SFMBT1: variants seen among roughly 807,000 people sequenced by gnomAD.
SFMBT1 encodes the protein scm-like with four MBT domains protein 1.
SFMBT1 carries 32 observed loss-of-function variants against 108.7 expected under a neutral mutation model. The ratio of observed to expected loss-of-function variants is 0.29; its 90% CI spans 0.22 to 0.40. The LOEUF is 0.40. Among genes scored for constraint, SFMBT1 ranks in the 10% least tolerant of loss-of-function variants. The pLI is 1.00. For missense variants in SFMBT1, 816 were observed against 1,059.6 expected (o/e 0.77, Z 3.19); for synonymous variants, 348 against 369.5 (o/e 0.94, Z 0.67).
intron 1 of SFMBT1, among the ~76,000 whole-genome samples, chr3:53,009,777 TA>T (rs1386972344): frequency 6.9e-4 from 105 of 152,342 alleles, no homozygotes; most frequent in African/African-American, 2.5e-3. Context: ...GTATATGTAT[TA>T]TACACTGTAT....
intron 1 of SFMBT1, among the ~76,000 whole-genome samples, chr3:52,990,508 A>G (rs1219611428): frequency 6.6e-6 from 1 of 152,218 alleles, no homozygotes. Flanking sequence ...TCTCAAAGCA[A>G]TCTTTAAAGA....
intron 1 of SFMBT1, among the ~76,000 whole-genome samples, chr3:52,972,686 T>C (rs1013726147): frequency 2.0e-5 from 3 of 150,384 alleles, no homozygotes; most frequent in East Asian, 2.0e-4. Flanking sequence ...GGCAGGTGGA[T>C]TGCTTGAGAT....
intron 1 of SFMBT1, among the ~76,000 whole-genome samples, chr3:52,982,443 C>G (rs573827062): frequency 6.6e-6 from 1 of 152,174 alleles, no homozygotes; most frequent in South Asian, 2.1e-4. Context: ...AGATATAGAT[C>G]ATGGGCCGGA....
At chr3:52,990,786 A>T (rs1431989993) in intron 1 of SFMBT1, among the ~76,000 whole-genome samples, 1 of 152,172 alleles carries the variant, frequency 6.6e-6, no homozygotes, top group Non-Finnish European at 1.5e-5. Context: ...TGGCCTTGGG[A>T]ATTCAGATAT....
At chr3:53,011,157 A>C (rs1698930722) in intron 1 of SFMBT1, among the ~76,000 whole-genome samples, 1 of 152,220 alleles carries the variant, frequency 6.6e-6, no homozygotes, top group Non-Finnish European at 1.5e-5. Context: ...ACTGTGGGTC[A>C]AAATAGCTGC....
chr3:52,943,828 CTATTA>C (rs1229461353), intron 3 of SFMBT1, among the ~76,000 whole-genome samples: 1 of 152,150 alleles, frequency 6.6e-6, no homozygotes, highest in African/African-American at 2.4e-5. Flanking sequence ...CCAAAGCAGT[CTATTA>C]TGATTACAGA....
intron 1 of SFMBT1, among the ~76,000 whole-genome samples, chr3:52,974,048 C>T (rs1394787567): frequency 1.3e-5 from 2 of 152,168 alleles, no homozygotes; most frequent in African/African-American, 4.8e-5. Context: ...GAAGTATCCT[C>T]AGCCAAATGA....
At chr3:52,935,347 T>A (rs1702974818) in intron 4 of SFMBT1, among the ~76,000 whole-genome samples, 2 of 152,234 alleles carry the variant, frequency 1.3e-5, no homozygotes, top group South Asian at 4.1e-4. Context: ...TTTTTGTTAA[T>A]AAAGTTTTAC....
At chr3:53,009,531 G>A (rs1698871640) in intron 1 of SFMBT1, among the ~76,000 whole-genome samples, 1 of 152,168 alleles carries the variant, frequency 6.6e-6, no homozygotes, top group African/African-American at 2.4e-5. Context: ...AGGAAATCTG[G>A]TGCTAGATAA....
At chr3:53,040,682 C>T (rs1700010950) in intron 1 of SFMBT1, among the ~76,000 whole-genome samples, 2 of 151,378 alleles carry the variant, frequency 1.3e-5, no homozygotes, top group Admixed American at 1.3e-4. Flanking sequence ...TTGGAAATAT[C>T]ACCTTATAGC....
In SFMBT1 at chr3:52,969,788, C is replaced by T. The variant is rs114222362; in HGVS notation, c.-130-530G>A. 9.0e-3 allele frequency among the ~76,000 whole-genome samples: 1,373 copies of T among 152,190 alleles called. 16 individuals are homozygous for T. The highest frequency in any genetic ancestry group is 0.031 in the African/African-American group (1,280 of 41,514). On this transcript the variant is annotated intron_variant, in intron 1 of 20. Transcript: ENST00000394752. ...AATTCCTCCAAAATAAGCTTTGAAC[C>T]TGCTTATTCTTTTTTTAAAAAACAG... is the stretch of plus-strand genomic sequence containing the variant.
intron 4 of SFMBT1, among the ~76,000 whole-genome samples, chr3:52,942,613 A>T (rs1703222443): frequency 1.3e-5 from 2 of 152,196 alleles, no homozygotes; most frequent in Admixed American, 6.5e-5. Flanking sequence ...CCTGGGTTCA[A>T]GTGATTCTCC....
chr3:52,993,140 TA>T (rs1705197000), intron 1 of SFMBT1, among the ~76,000 whole-genome samples: 1 of 132,226 alleles, frequency 7.6e-6, no homozygotes, highest in South Asian at 2.3e-4. Context: ...ATAGAGCAGG[TA>T]AAAAGGGTAG....
intron 1 of SFMBT1, among the ~76,000 whole-genome samples, chr3:53,015,725 T>C (rs975076151): frequency 1.6e-4 from 24 of 152,186 alleles, no homozygotes; most frequent in Non-Finnish European, 3.1e-4. Context: ...ATGTCCACCA[T>C]AGGCAAATCT....
Position 52,998,037 on chromosome 3 carries a change from A to G in SFMBT1, c.-130-28779T>C, listed in dbSNP as rs145479960. Among the ~76,000 whole-genome samples the G allele has an allele frequency of 3.1e-3, 468 of 150,722 alleles. 11 individuals carry two copies. The highest frequency in any genetic ancestry group is 0.01 in the African/African-American group (424 of 41,446). On this transcript the variant is annotated intron_variant, in intron 1 of 20. Transcript: ENST00000394752. ...GTTCTGTGGCATTAAGGACATTCAC[A>G]ATGTTGTACAAGAAAATTTTTTAAA...
Position 52,943,591 on chromosome 3 carries a change from C to T in SFMBT1, c.126G>A (p.Val42=), listed in dbSNP as rs1416579049. The T allele has an allele frequency of 1.2e-6, 2 of 1,614,102 alleles. No homozygotes were observed. The highest frequency in any genetic ancestry group is 1.7e-6 in the Non-Finnish European group (2 of 1,180,038). ...TAVPYGSFKH[V]DTRLQNGFAP... ...CAAATCCATTTTGCAAACGTGTGTC[C>T]ACCTTAACAGGGAAATGTTATTAAG... Residue 42 remains valine (V), a splice_region_variant and synonymous_variant, in exon 4 of 21, where the codon GTG becomes GTA. Transcript: ENST00000394752.
At chr3:52,912,161 G>A (rs1454516685) in intron 16 of SFMBT1, among the ~76,000 whole-genome samples, 2 of 152,034 alleles carry the variant, frequency 1.3e-5, no homozygotes, top group African/African-American at 4.8e-5. Flanking sequence ...ATTATCCACA[G>A]AACTGATTCT....
At chr3:52,939,384 G>A (rs1703114717) in intron 4 of SFMBT1, among the ~76,000 whole-genome samples, 1 of 152,086 alleles carries the variant, frequency 6.6e-6, no homozygotes, top group Admixed American at 6.6e-5. Flanking sequence ...GACCAGCCTG[G>A]CCAACATGGT....
At chr3:52,999,850 C>A (rs1355669980) in intron 1 of SFMBT1, among the ~76,000 whole-genome samples, 1 of 150,040 alleles carries the variant, frequency 6.7e-6, no homozygotes, top group Non-Finnish European at 1.5e-5. Flanking sequence ...GGCATGAAAT[C>A]ATCTTGAAGT....
Sources: allele counts gnomAD v4.1 joint callset (sites outside exome capture counted in the v4.1 genomes callset), GRCh38; gene constraint gnomAD v4.1.1; transcripts MANE v1.5; gene names NCBI Gene and HGNC (gene_info 2026-07-23, HGNC 2026-07-21).